Variants in PBX4 observed in about 807,000 individuals in gnomAD.
The protein encoded by PBX4 is pre-B-cell leukemia transcription factor 4.
Under a neutral mutation model 35.1 loss-of-function variants are expected in PBX4, and 26 were observed. The ratio of observed to expected loss-of-function variants is 0.74; its 90% CI spans 0.54 to 1.03. The LOEUF (loss-of-function observed/expected upper bound fraction) is 1.03, where lower values mean the gene tolerates loss of function less well. Ranked by LOEUF, PBX4 falls within the 50% of genes least tolerant of loss-of-function variation. PBX4 has a pLI of 0.00. For synonymous variants in PBX4, 199 were observed against 204.2 expected (o/e 0.97, Z 0.22); for missense variants, 448 against 504.3 (o/e 0.89, Z 1.07).
chr19:19,565,036 C>T lies in PBX4; in HGVS notation c.822G>A (p.Lys274=). 6.2e-7 allele frequency: 1 copy of T among 1,614,248 alleles called. No homozygotes were observed. Residue 274 remains lysine (K), a synonymous_variant, in exon 6 of 8, where the codon AAG becomes AAA. Coordinates refer to ENST00000251203, the MANE Select transcript of PBX4 (RefSeq NM_025245.3). ...TGTAAATGGTAGCCTCTTCTTGAAACTTCCCCATGTTCTTTTTATACCGGA... is the reference window on the plus strand; with the variant it reads ...TGTAAATGGTAGCCTCTTCTTGAAATTTCCCCATGTTCTTTTTATACCGGA... ...KRIRYKKNMG[K]FQEEATIYTG... is the part of the protein sequence containing the mutation.
chr19:19,574,009 C>T (rs964204068), intron 2 of PBX4, among the ~76,000 whole-genome samples: 2 of 152,122 alleles, frequency 1.3e-5, no homozygotes, highest in East Asian at 3.9e-4. Flanking sequence ...GGATTACAGG[C>T]GTGAGTCACC....
At chr19:19,592,631 G>A (rs1355739512) in intron 2 of PBX4, among the ~76,000 whole-genome samples, 1 of 152,188 alleles carries the variant, frequency 6.6e-6, no homozygotes, top group African/African-American at 2.4e-5. Context: ...TTCTAAGTCA[G>A]GCCCCCAGAC....
chr19:19,599,995 C>T (rs1313355035), intron 1 of PBX4, among the ~76,000 whole-genome samples: 3 of 146,782 alleles, frequency 2.0e-5, no homozygotes, highest in Non-Finnish European at 4.5e-5. Context: ...AAAAAAAATT[C>T]GCCAGGAACA....
intron 5 of PBX4, 91 bp downstream of exon 5, chr19:19,569,357 CA>C: frequency 3.4e-6 from 5 of 1,485,410 alleles, no homozygotes; most frequent in Non-Finnish European, 4.5e-6. Context: ...CTGGCCTCTG[CA>C]CACATTTAAC....
At chr19:19,598,164 T>G (rs947885441) in intron 2 of PBX4, among the ~76,000 whole-genome samples, 3 of 152,190 alleles carry the variant, frequency 2.0e-5, no homozygotes, top group Non-Finnish European at 4.4e-5. Context: ...TAAAGATCAT[T>G]GTACTCAGCG....
intron 5 of PBX4, among the ~76,000 whole-genome samples, chr19:19,567,204 TG>T (rs952781710): frequency 3.9e-5 from 6 of 152,150 alleles, no homozygotes; most frequent in Admixed American, 3.9e-4. Flanking sequence ...AATTGTTCCT[TG>T]GGGGCCAAAT....
chr19:19,577,597 T>TTATA (rs2061428004), intron 2 of PBX4, among the ~76,000 whole-genome samples: 1 of 152,186 alleles, frequency 6.6e-6, no homozygotes, highest in African/African-American at 2.4e-5. Flanking sequence ...CCGGGCTTGG[T>TTATA]GGCTCACGCC....
At chr19:19,618,438 C>A in intron 1 of PBX4, 73 bp downstream of exon 1, 1 of 1,301,196 alleles carries the variant, frequency 7.7e-7, no homozygotes, top group Non-Finnish European at 9.9e-7. Context: ...CTGGCCTCCA[C>A]GCCCCGTCCC....
At position 19,561,792 on chromosome 19, in the gene PBX4, A is replaced by G. The variant is rs2061307565; in HGVS notation, c.*233T>C. The G allele has an allele frequency of 4.4e-6, 2 of 455,138 alleles. No individual in the cohort carries two copies. The highest frequency in any genetic ancestry group is 7.8e-6 in the Non-Finnish European group (2 of 256,068). The allele number at this position is 455,138 out of a possible 1,614,324, so 28.2% of individuals were successfully genotyped here. On this transcript the variant is annotated 3_prime_UTR_variant, in exon 8 of 8. Coordinates refer to ENST00000251203, the MANE Select transcript of PBX4 (RefSeq NM_025245.3). The stretch of plus-strand genomic sequence containing the variant: ...CAATTCAATTCATAGCGTTACCATA[A>G]AATTACTGTCAAAAAAACGAACTGA...
intron 2 of PBX4, among the ~76,000 whole-genome samples, chr19:19,598,913 C>CT (rs34982058): frequency 0.059 from 6,594 of 112,536 alleles, 337 homozygotes; most frequent in Non-Finnish European, 0.075. Flanking sequence ...CAGGAAGTGC[C>CT]TTTTTTTTTT....
chr19:19,608,500 A>G (rs62137820), intron 1 of PBX4: 28,576 of 152,288 alleles, frequency 0.19, 3,392 homozygotes, highest in East Asian at 0.29. Flanking sequence ...CTTACACTGT[A>G]CAAGTCTGGA....
intron 1 of PBX4, among the ~76,000 whole-genome samples, chr19:19,613,609 C>T (rs2061674273): frequency 6.6e-6 from 1 of 152,228 alleles, no homozygotes; most frequent in African/African-American, 2.4e-5. Context: ...CAGAGCTCAC[C>T]CCTTAAGCAG....
chr19:19,563,065 C>CA lies in PBX4; in HGVS notation c.1032+443dup, dbSNP rs1264345609. ...TGGGCACATGACACCTGGGCCTCCT[C>CA]AGTGTCTTCAAGACGGTCCCCACTC... On this transcript the variant is annotated intron_variant, in intron 7 of 7. Transcript: ENST00000251203. The surrounding 1 kb of genome is among the most constrained non-coding windows in gnomAD (Gnocchi z 5.1). 6.6e-6 allele frequency among the ~76,000 whole-genome samples: 1 copy of CA among 152,196 alleles called. No individual in the cohort carries two copies. Among genetic ancestry groups the CA allele is most frequent in the Non-Finnish European group, 1.5e-5 (1 of 68,026 alleles).
At chr19:19,594,446 T>C (rs1211851873) in intron 2 of PBX4, among the ~76,000 whole-genome samples, 1 of 147,516 alleles carries the variant, frequency 6.8e-6, no homozygotes, top group Non-Finnish European at 1.5e-5. Flanking sequence ...CCTAGGCAGA[T>C]GGGGGTAGGG....
intron 1 of PBX4, among the ~76,000 whole-genome samples, chr19:19,614,722 C>A (rs377390908): frequency 6.6e-6 from 1 of 152,116 alleles, no homozygotes; most frequent in Admixed American, 6.6e-5. Flanking sequence ...AACAAACAAA[C>A]AAAAAACCAC....
Position 19,561,901 on chromosome 19 carries a change from G to A in PBX4, c.*124C>T. 1 of 736,526 alleles carries A rather than the reference G, an allele frequency of 1.4e-6. No homozygotes were observed. Among genetic ancestry groups the A allele is most frequent in the African/African-American group, 1.8e-5 (1 of 55,686 alleles). 45.6% of individuals were successfully genotyped at this position (736,526 alleles called of 1,614,324 possible). A position where few individuals can be genotyped will look rare whatever the true frequency, so the allele number is the denominator to read the frequency against. On this transcript the variant is annotated 3_prime_UTR_variant, in exon 8 of 8. Transcript: ENST00000251203. Reference sequence around the variant, plus strand: ...CGCCACGGGCCTGGCTGAGGAGCAGGGGCTCATGGGCACCACCACCCATCT... The same window carrying A: ...CGCCACGGGCCTGGCTGAGGAGCAGAGGCTCATGGGCACCACCACCCATCT...
intron 1 of PBX4, among the ~76,000 whole-genome samples, chr19:19,601,304 G>A (rs1482595990): frequency 6.6e-6 from 1 of 152,212 alleles, no homozygotes; most frequent in Non-Finnish European, 1.5e-5. Flanking sequence ...GAACACACTG[G>A]GTTCAGTACT....
intron 2 of PBX4, among the ~76,000 whole-genome samples, chr19:19,591,931 G>A (rs2061530833): frequency 6.6e-6 from 1 of 152,196 alleles, no homozygotes; most frequent in South Asian, 2.1e-4. Flanking sequence ...TGTGATCTCA[G>A]CTCACTGCAA....
intron 1 of PBX4, among the ~76,000 whole-genome samples, chr19:19,601,050 AG>A (rs2061594473): frequency 6.6e-6 from 1 of 152,142 alleles, no homozygotes; most frequent in Non-Finnish European, 1.5e-5. Context: ...CACATGTGGC[AG>A]TTAAGAGGGA....
Sources: gnomAD v4.1 joint callset for allele counts (sites outside exome capture counted in the v4.1 genomes callset) on GRCh38, gnomAD v4.1.1 for gene constraint, Gnocchi (gnomAD v3.1) non-coding constraint, MANE v1.5 for transcripts, NCBI Gene and HGNC (gene_info 2026-07-23, HGNC 2026-07-21) for gene names.